Variants in MLYCD observed in about 807,000 individuals in gnomAD.
The protein encoded by MLYCD is malonyl-CoA decarboxylase, mitochondrial.
MLYCD carries 27 observed loss-of-function variants against 35.8 expected under a neutral mutation model. The observed-to-expected ratio is 0.75, with a 90% CI of 0.56 to 1.04. The LOEUF (loss-of-function observed/expected upper bound fraction) is 1.04, where lower values mean the gene tolerates loss of function less well. Among genes scored for constraint, MLYCD ranks in the 50% least tolerant of loss-of-function variants. The pLI is 0.00. For missense variants in MLYCD, 917 were observed against 665.1 expected (o/e 1.38, Z -4.17); for synonymous variants, 403 against 302.4 (o/e 1.33, Z -3.45).
chr16:83,912,140 C>CT, intron 3 of MLYCD, 78 bp from the exon 4 acceptor site: 1 of 1,593,914 alleles, frequency 6.3e-7, no homozygotes, highest in Non-Finnish European at 8.6e-7. Context: ...GAATTGTCTT[C>CT]TCGTCCCAGC....
At chr16:83,903,541 A>G (rs968323496) in intron 1 of MLYCD, among the ~76,000 whole-genome samples, 4 of 152,162 alleles carry the variant, frequency 2.6e-5, no homozygotes, top group Admixed American at 2.0e-4. Flanking sequence ...TCACATACCA[A>G]AATAAGCAGA....
intron 1 of MLYCD, among the ~76,000 whole-genome samples, chr16:83,903,667 G>A (rs1056864714): frequency 6.6e-6 from 1 of 152,178 alleles, no homozygotes; most frequent in Non-Finnish European, 1.5e-5. Context: ...ACACAGAGCC[G>A]GGTGCAGTGG....
In MLYCD at chr16:83,899,321, G is replaced by A; in HGVS notation, c.177G>A (p.Lys59=). The part of the protein sequence containing the change: ...PPTPAYELRE[K]TPAPAEGQCA... ...CGCCGGCCTACGAGCTGCGCGAGAA[G>A]ACACCGGCGCCCGCCGAGGGTCAGT... Residue 59 remains lysine, a synonymous_variant, in exon 1 of 5, where the codon AAG becomes AAA. Coordinates refer to ENST00000262430, the MANE Select transcript of MLYCD (RefSeq NM_012213.3). 3 of 1,499,738 alleles carry A rather than the reference G, an allele frequency of 2.0e-6. No homozygotes were observed. Among genetic ancestry groups the A allele is most frequent in the Non-Finnish European group, 2.7e-6 (3 of 1,131,584 alleles). The allele number at this position is 1,499,738 out of a possible 1,614,324, so 92.9% of individuals were successfully genotyped here.
rs1379944367 is a variant in MLYCD at position 83,922,149 on chromosome 16, C to G, written c.*6660C>G. The G allele has an allele frequency of 1.3e-5, 2 of 152,170 alleles. No homozygotes were observed. The highest frequency in any genetic ancestry group is 2.4e-5 in the African/African-American group (1 of 41,408). 9.4% of individuals were successfully genotyped at this position (152,170 alleles called of 1,614,324 possible). A position where few individuals can be genotyped will look rare whatever the true frequency, so the allele number is the denominator to read the frequency against. On this transcript the variant is annotated 3_prime_UTR_variant, in exon 5 of 5. Transcript: ENST00000262430. The stretch of plus-strand genomic sequence containing the variant: ...GTTCAAGGCTGAAGTCACAACCCCA[C>G]CCCTGCCACAGAGCCTGCCCCCCCG...
At position 83,899,154 on chromosome 16, in the gene MLYCD, T is replaced by C. The variant is rs1302612158; in HGVS notation, c.10T>C (p.Phe4Leu). The C allele has an allele frequency of 6.1e-6, 7 of 1,147,306 alleles. No homozygotes were observed. The highest frequency in any genetic ancestry group is 7.5e-6 in the Non-Finnish European group (7 of 936,696). The allele number at this position is 1,147,306 out of a possible 1,614,324, so 71.1% of individuals were successfully genotyped here. A position where few individuals can be genotyped will look rare whatever the true frequency, so the allele number is the denominator to read the frequency against. The change falls in exon 1 of 5, where the codon TTC becomes CTC. Residue 4 changes from phenylalanine to leucine, a missense_variant. Coordinates refer to ENST00000262430, the MANE Select transcript of MLYCD (RefSeq NM_012213.3). The stretch of plus-strand genomic sequence containing the variant: ...GCTGTTGTGGGGCACCATGCGAGGC[T>C]TCGGGCCAGGCTTGACGGCCAGGCG... MRGFGPGLTARRLL... is the reference protein window; with the variant it reads MRGLGPGLTARRLL...
At chr16:83,900,696 A>T (rs1906755027) in intron 1 of MLYCD, among the ~76,000 whole-genome samples, 1 of 150,568 alleles carries the variant, frequency 6.6e-6, no homozygotes, top group East Asian at 2.0e-4. Flanking sequence ...AGTTTTGGAC[A>T]TTCAGAAGTT....
rs1279658879 is a variant in MLYCD, at chr16:83,899,296, C to T, written c.152C>T (p.Thr51Met). 2 of 1,481,420 alleles carry T rather than the reference C, an allele frequency of 1.4e-6. No individual in the cohort carries two copies. Among genetic ancestry groups the T allele is most frequent in the East Asian group, 2.9e-5 (1 of 34,302 alleles). The allele number at this position is 1,481,420 out of a possible 1,614,324, so 91.8% of individuals were successfully genotyped here. ...CTGCTGCGCCGCGCGGTGCCGCCGA[C>T]GCCGGCCTACGAGCTGCGCGAGAAG... ...DELLRRAVPPTPAYELREKTP... is the reference protein window; with the variant it reads ...DELLRRAVPPMPAYELREKTP... Residue 51 changes from threonine (T) to methionine (M), a missense_variant, in exon 1 of 5, where the codon ACG becomes ATG. Coordinates refer to ENST00000262430, the MANE Select transcript of MLYCD (RefSeq NM_012213.3).
chr16:83,912,518 G>C, intron 4 of MLYCD, 151 bp downstream of exon 4: 1 of 1,026,914 alleles, frequency 9.7e-7, no homozygotes, highest in Non-Finnish European at 1.5e-6. Flanking sequence ...GAGACCCCTT[G>C]GCAACTCCTA....
chr16:83,911,371 C>T (rs557350295), intron 3 of MLYCD, among the ~76,000 whole-genome samples: 3 of 152,210 alleles, frequency 2.0e-5, no homozygotes, highest in Admixed American at 2.0e-4. Flanking sequence ...CTTCCAGAAT[C>T]GAAGGTCGCT....
At position 83,915,221 on chromosome 16, in the gene MLYCD, A is replaced by C; in HGVS notation, c.1214A>C (p.Tyr405Ser). 1 of 1,613,882 alleles carries C rather than the reference A, an allele frequency of 6.2e-7. No individual in the cohort carries two copies. The highest frequency in any genetic ancestry group is 8.5e-7 in the Non-Finnish European group (1 of 1,179,790). The change falls in exon 5 of 5, where the codon TAC becomes TCC. Residue 405 changes from tyrosine to serine, a missense_variant. Tyr to Ser is a moderately radical substitution (Grantham distance 144). Coordinates refer to ENST00000262430, the MANE Select transcript of MLYCD (RefSeq NM_012213.3). Reference sequence around the variant, plus strand: ...CCGCTGATGAGGCTGTGCGCCTGGTACCTGTATGGAGAGAAGCACCGCGGC... The same window carrying C: ...CCGCTGATGAGGCTGTGCGCCTGGTCCCTGTATGGAGAGAAGCACCGCGGC... ...QTPLMRLCAWYLYGEKHRGYA... is the reference protein window; with the variant it reads ...QTPLMRLCAWSLYGEKHRGYA...
chr16:83,903,464 C>T (rs539771702), intron 1 of MLYCD, among the ~76,000 whole-genome samples: 1 of 152,276 alleles, frequency 6.6e-6, no homozygotes, highest in African/African-American at 2.4e-5. Flanking sequence ...GCAGTGCTAC[C>T]CTCATCCATG....
Position 83,915,985 on chromosome 16 carries a change from C to G in MLYCD, c.*496C>G. The G allele has an allele frequency of 1.1e-5, 11 of 1,015,674 alleles. No homozygotes were observed. The highest frequency in any genetic ancestry group is 1.3e-5 in the Non-Finnish European group (11 of 846,582). 62.9% of individuals were successfully genotyped at this position (1,015,674 alleles called of 1,614,324 possible). ...AGGGACAAAGGGCTGTGCTACACTT[C>G]CCAGTTACATTCTGAAGCTCATAAA... On this transcript the variant is annotated 3_prime_UTR_variant, in exon 5 of 5. Transcript: ENST00000262430.
At chr16:83,899,780 G>A (rs1906716816) in intron 1 of MLYCD, 108 bp downstream of exon 1, 1 of 1,313,350 alleles carries the variant, frequency 7.6e-7, no homozygotes, top group Non-Finnish European at 1.0e-6. Flanking sequence ...CTGCCCGATA[G>A]CACGCTCACT....
Position 83,912,269 on chromosome 16 carries a change from A to G in MLYCD, c.850A>G (p.Thr284Ala), listed in dbSNP as rs62640903. 8,098 of 1,614,196 alleles carry G rather than the reference A, an allele frequency of 5.0e-3. 368 individuals carry two copies. The African/African-American group carries it at 0.094, about 19-fold the overall frequency. Residue 284 changes from threonine (T) to alanine (A), a missense_variant, in exon 4 of 5, where the codon ACT becomes GCT. Coordinates refer to ENST00000262430, the MANE Select transcript of MLYCD (RefSeq NM_012213.3). The stretch of plus-strand genomic sequence containing the variant: ...AGAAACAGAAGAGAAGAACAAAATC[A>G]CTGCTGCGATCTTTTATTCCATCAG... ...PSETEEKNKI[T>A]AAIFYSISLT...
At chr16:83,899,719 C>A (rs1906713982) in intron 1 of MLYCD, 47 bp downstream of exon 1, 1 of 1,477,144 alleles carries the variant, frequency 6.8e-7, no homozygotes, top group Non-Finnish European at 8.9e-7. Context: ...TGGCCGCCCT[C>A]CTCGAGTAGT....
Position 83,925,932 on chromosome 16 carries a change from G to A in MLYCD, c.*10443G>A, listed in dbSNP as rs879387424. The A allele has an allele frequency of 2.0e-5, 3 of 152,322 alleles. No homozygotes were observed. Among genetic ancestry groups the A allele is most frequent in the Non-Finnish European group, 4.4e-5 (3 of 68,114 alleles). The allele number at this position is 152,322 out of a possible 1,614,324, so 9.4% of individuals were successfully genotyped here. A position where few individuals can be genotyped will look rare whatever the true frequency, so the allele number is the denominator to read the frequency against. ...TAGCTTCTAAACAAGGCAGTTTCAT[G>A]TGTGTATCTCCACTAGACTAGACGC... On this transcript the variant is annotated 3_prime_UTR_variant, in exon 5 of 5. Transcript: ENST00000262430.
At chr16:83,908,917 G>A (rs369319741) in intron 3 of MLYCD, among the ~76,000 whole-genome samples, 3 of 152,198 alleles carry the variant, frequency 2.0e-5, no homozygotes, top group African/African-American at 7.2e-5. Flanking sequence ...TGAGACCCCT[G>A]GGGCATTGCA....
Position 83,899,338 on chromosome 16 carries a change from A to G in MLYCD, c.194A>G (p.Glu65Gly). Residue 65 changes from glutamate to glycine, a missense_variant, in exon 1 of 5, where the codon GAG becomes GGG. Physicochemically the swap from Glu to Gly is moderately conservative, Grantham distance 98. Coordinates refer to ENST00000262430, the MANE Select transcript of MLYCD (RefSeq NM_012213.3). ...ELREKTPAPA[E>G]GQCADFVSFY... is the part of the protein sequence containing the mutation. ...CGCGAGAAGACACCGGCGCCCGCCGAGGGTCAGTGCGCGGACTTCGTGAGC... is the reference window on the plus strand; with the variant it reads ...CGCGAGAAGACACCGGCGCCCGCCGGGGGTCAGTGCGCGGACTTCGTGAGC... 6.6e-7 allele frequency: 1 copy of G among 1,513,158 alleles called. No individual in the cohort carries two copies. The highest frequency in any genetic ancestry group is 8.8e-7 in the Non-Finnish European group (1 of 1,138,816). The allele number at this position is 1,513,158 out of a possible 1,614,324, so 93.7% of individuals were successfully genotyped here.
rs79321694 is a variant in MLYCD, at chr16:83,918,088, A to G, written c.*2599A>G. The stretch of plus-strand genomic sequence containing the variant: ...GAATAGTGTTCAAATCCATTTTACT[A>G]TTGCGGCCAAGGAGCCCTCCCTCCA... On this transcript the variant is annotated 3_prime_UTR_variant, in exon 5 of 5. Transcript: ENST00000262430. 1 of 152,202 alleles carries G rather than the reference A, an allele frequency of 6.6e-6. No individual in the cohort carries two copies. Among genetic ancestry groups the G allele is most frequent in the Non-Finnish European group, 1.5e-5 (1 of 68,034 alleles). 9.4% of individuals were successfully genotyped at this position (152,202 alleles called of 1,614,324 possible).
Sources: allele counts gnomAD v4.1 joint callset (sites outside exome capture counted in the v4.1 genomes callset), GRCh38; gene constraint gnomAD v4.1.1; transcripts MANE v1.5; gene names NCBI Gene and HGNC (gene_info 2026-07-23, HGNC 2026-07-21).